NAA11: variants seen among roughly 807,000 people sequenced by gnomAD.
NAA11 encodes the protein N-alpha-acetyltransferase 11.
In NAA11, 15 loss-of-function variants were observed where a neutral mutation model predicts 16.1. That is an observed-to-expected ratio of 0.93 (90% CI 0.62 to 1.44). NAA11 has a LOEUF of 1.44. Among genes scored for constraint, NAA11 ranks in the 40% most tolerant of loss-of-function variants. The pLI is 0.00. For synonymous variants in NAA11, 122 were observed against 112.4 expected (o/e 1.09, Z -0.54); for missense variants, 298 against 291.3 (o/e 1.02, Z -0.17).
intron 2 of NAA11, among the ~76,000 whole-genome samples, chr4:79,255,081 G>A (rs1036340021): frequency 2.6e-5 from 4 of 152,108 alleles, no homozygotes; most frequent in Non-Finnish European, 4.4e-5. Flanking sequence ...ACTACATGCT[G>A]TATGGTTTCA....
intron 2 of NAA11, among the ~76,000 whole-genome samples, chr4:79,256,609 T>A (rs1041539898): frequency 1.4e-5 from 2 of 148,048 alleles, no homozygotes; most frequent in African/African-American, 5.0e-5. Context: ...AAAATGGTAA[T>A]ATATTAACTC....
At chr4:79,163,426 T>C in the NAA11 span, among the ~76,000 whole-genome samples, 1 of 151,804 alleles carries the variant, frequency 6.6e-6, no homozygotes, top group Admixed American at 6.6e-5. Context: ...GGTTAAAAAA[T>C]AAAAAAATAA....
At position 79,309,161 on chromosome 4, in the gene NAA11, T is replaced by C. The variant is rs76568725; in HGVS notation, c.*13-15047A>G. Among the ~76,000 whole-genome samples the C allele has an allele frequency of 4.4e-4, 67 of 152,332 alleles. No individual in the cohort carries two copies. In the East Asian group the frequency reaches 0.012, roughly 28 times the overall value. On this transcript the variant is annotated intron_variant and NMD_transcript_variant, in intron 1 of 2. Transcript: ENST00000511542. ...CCTTTTCTTTCCCCCAGAGCCTTAA[T>C]AGCCTCTGGCTATGCCTCGGGCTGT...
At chr4:79,200,078 C>T in the NAA11 span, among the ~76,000 whole-genome samples, 2 of 151,708 alleles carry the variant, frequency 1.3e-5, no homozygotes, top group Non-Finnish European at 2.9e-5. Flanking sequence ...TATGGGGTAC[C>T]TACAACGAGA....
intron 2 of NAA11, among the ~76,000 whole-genome samples, chr4:79,274,365 A>G (rs1415121439): frequency 6.6e-6 from 1 of 152,102 alleles, no homozygotes; most frequent in African/African-American, 2.4e-5. Flanking sequence ...AAATTTATGA[A>G]GCAAGAAGGA....
At chr4:79,206,802 C>G in the NAA11 span, among the ~76,000 whole-genome samples, 1 of 152,134 alleles carries the variant, frequency 6.6e-6, no homozygotes, top group Non-Finnish European at 1.5e-5. Flanking sequence ...TTTTAGTGTA[C>G]TCTCGTAGCA....
the NAA11 span, among the ~76,000 whole-genome samples, chr4:79,172,424 C>A: frequency 1.3e-5 from 2 of 152,020 alleles, no homozygotes; most frequent in South Asian, 4.1e-4. Context: ...TATCTGAGAA[C>A]ACAGTTGGCA....
At chr4:79,266,547 G>A (rs572027584) in intron 2 of NAA11, among the ~76,000 whole-genome samples, 5 of 152,292 alleles carry the variant, frequency 3.3e-5, no homozygotes, top group South Asian at 2.1e-4. Flanking sequence ...ACAGTTTGGC[G>A]TGCTGGTCCT....
chr4:79,263,807 T>C (rs1722287832), intron 2 of NAA11, among the ~76,000 whole-genome samples: 1 of 152,136 alleles, frequency 6.6e-6, no homozygotes, highest in Non-Finnish European at 1.5e-5. Flanking sequence ...CTCTTCTGAA[T>C]CCCCAACACC....
intron 2 of NAA11, among the ~76,000 whole-genome samples, chr4:79,259,363 G>A (rs1014092675): frequency 1.3e-5 from 2 of 152,326 alleles, no homozygotes. Flanking sequence ...TGCTTGTGGT[G>A]TACCTGGTCT....
At chr4:79,263,322 A>G (rs1165116982) in intron 2 of NAA11, among the ~76,000 whole-genome samples, 2 of 152,196 alleles carry the variant, frequency 1.3e-5, no homozygotes, top group Non-Finnish European at 2.9e-5. Context: ...GTGTACAAGT[A>G]TGAGGTTAAA....
rs772232704 is a variant in NAA11 at position 79,325,723 on chromosome 4, A to G, written c.155T>C (p.Ile52Thr). Residue 52 changes from isoleucine (I) to threonine (T), a missense_variant, in exon 1 of 2, where the codon ATT (isoleucine) becomes ACT (threonine). Coordinates refer to ENST00000286794, the MANE Select transcript of NAA11 (RefSeq NM_032693.3). ...SYIAEDEDGK[I>T]VGYVLAKMEE... ...CATTTTGGCCAGAACATAGCCCACAATCTTCCCGTCCTCATCCTCAGCGAT... is the reference window on the plus strand; with the variant it reads ...CATTTTGGCCAGAACATAGCCCACAGTCTTCCCGTCCTCATCCTCAGCGAT... 7.4e-6 allele frequency: 12 copies of G among 1,614,040 alleles called. No homozygotes were observed. Among genetic ancestry groups the G allele is most frequent in the East Asian group, 6.7e-5 (3 of 44,888 alleles).
At chr4:79,237,653 G>A (rs1038160995) in intron 2 of NAA11, among the ~76,000 whole-genome samples, 8 of 152,114 alleles carry the variant, frequency 5.3e-5, no homozygotes, top group African/African-American at 1.9e-4. Flanking sequence ...AAACTAAATT[G>A]TTAAATTAGT....
chr4:79,212,714 CATT>C, the NAA11 span, among the ~76,000 whole-genome samples: 5 of 151,924 alleles, frequency 3.3e-5, no homozygotes, highest in African/African-American at 1.2e-4. Flanking sequence ...ATATTGTTAT[CATT>C]GTTCTATTTT....
downstream of NAA11, among the ~76,000 whole-genome samples, chr4:79,225,393 A>G (rs568306473): frequency 2.4e-4 from 37 of 152,220 alleles, no homozygotes; most frequent in South Asian, 3.7e-3. Context: ...ATTTTACCTT[A>G]CGTAAAGTGT....
At chr4:79,234,852 C>T (rs1023002346) in intron 2 of NAA11, among the ~76,000 whole-genome samples, 5 of 152,074 alleles carry the variant, frequency 3.3e-5, no homozygotes, top group African/African-American at 7.2e-5. Context: ...CTAAGGTACT[C>T]AGTATTCAGT....
At chr4:79,174,576 A>C in the NAA11 span, among the ~76,000 whole-genome samples, 41 of 152,280 alleles carry the variant, frequency 2.7e-4, no homozygotes, top group African/African-American at 9.6e-4. Flanking sequence ...TATATTTAAA[A>C]ACTCCAGACT....
intron 2 of NAA11, among the ~76,000 whole-genome samples, chr4:79,285,356 T>A (rs1722883808): frequency 6.6e-6 from 1 of 152,126 alleles, no homozygotes; most frequent in African/African-American, 2.4e-5. Flanking sequence ...TGCCTATTGT[T>A]TATCTTTTCT....
chr4:79,243,263 T>C (rs1313350010), intron 2 of NAA11, among the ~76,000 whole-genome samples: 1 of 152,182 alleles, frequency 6.6e-6, no homozygotes, highest in Non-Finnish European at 1.5e-5. Flanking sequence ...TGGACGGTTA[T>C]TTGTATCCTG....
Sources: allele counts gnomAD v4.1 joint callset (sites outside exome capture counted in the v4.1 genomes callset), GRCh38; gene constraint gnomAD v4.1.1; transcripts MANE v1.5; gene names NCBI Gene and HGNC (gene_info 2026-07-23, HGNC 2026-07-21).